The following OTOGL variants were observed in gnomAD, a reference collection of about 807,000 sequenced individuals.
OTOGL encodes otogelin like.
Under a neutral mutation model 318.5 loss-of-function variants are expected in OTOGL, and 285 were observed. The ratio of observed to expected loss-of-function variants is 0.89; its 90% CI spans 0.81 to 0.99. The LOEUF is 0.99. Among genes scored for constraint, OTOGL ranks in the 50% least tolerant of loss-of-function variants. The pLI is 0.00. For missense variants in OTOGL, 2,899 were observed against 2,845.6 expected, an observed-to-expected ratio of 1.02 and a Z score of -0.43; for synonymous variants, 987 against 936.5, an observed-to-expected ratio of 1.05 and a Z score of -0.99.
intron 29 of OTOGL, among the ~76,000 whole-genome samples, chr12:80,307,627 CT>C (rs1886255467): frequency 6.9e-6 from 1 of 144,742 alleles, no homozygotes. Context: ...ACCCCCCCAC[CT>C]CCCTCCTGGA....
intron 4 of OTOGL, among the ~76,000 whole-genome samples, chr12:80,213,817 A>G (rs1370321328): frequency 6.6e-6 from 1 of 152,172 alleles, no homozygotes; most frequent in African/African-American, 2.4e-5. Context: ...TGAGGTCATA[A>G]TCTTGCACTG....
At chr12:80,188,977 A>G (rs1875492649) in intron 1 of OTOGL, among the ~76,000 whole-genome samples, 1 of 152,122 alleles carries the variant, frequency 6.6e-6, no homozygotes, top group South Asian at 2.1e-4. Flanking sequence ...CCTTTGGTTT[A>G]GATCTTCATT....
intron 1 of OTOGL, among the ~76,000 whole-genome samples, chr12:80,144,101 A>T (rs2137148079): frequency 6.7e-6 from 1 of 149,514 alleles, no homozygotes; most frequent in East Asian, 2.0e-4. Flanking sequence ...ACTTGTGCAC[A>T]TTGTGCAGGT....
intron 42 of OTOGL, among the ~76,000 whole-genome samples, chr12:80,338,494 A>C (rs192316866): frequency 2.6e-5 from 4 of 152,180 alleles, no homozygotes; most frequent in East Asian, 1.9e-4. Context: ...CCGTTTTTCA[A>C]AGTACAATCC....
intron 8 of OTOGL, among the ~76,000 whole-genome samples, chr12:80,229,691 C>CTTGA (rs1879197711): frequency 6.6e-6 from 1 of 151,592 alleles, no homozygotes. Flanking sequence ...TTAAGAGTAT[C>CTTGA]TTAAGAGTTC....
chr12:80,292,681 A>C (rs1029761696), intron 26 of OTOGL, among the ~76,000 whole-genome samples: 10 of 152,244 alleles, frequency 6.6e-5, no homozygotes, highest in Admixed American at 5.9e-4. Context: ...GACACAATAG[A>C]CAAGGAAATT....
chr12:80,339,627 C>T (rs1245846050), intron 43 of OTOGL, among the ~76,000 whole-genome samples: 3 of 151,824 alleles, frequency 2.0e-5, no homozygotes, highest in African/African-American at 7.3e-5. Flanking sequence ...ATAGTGTTAT[C>T]TCAATTTATA....
chr12:80,194,846 A>G (rs563760539), intron 1 of OTOGL, among the ~76,000 whole-genome samples: 1 of 152,316 alleles, frequency 6.6e-6, no homozygotes, highest in South Asian at 2.1e-4. Flanking sequence ...CAAACTGGAA[A>G]CATTGTACAA....
intron 11 of OTOGL, among the ~76,000 whole-genome samples, chr12:80,243,243 A>T (rs1488964797): frequency 6.6e-6 from 1 of 152,092 alleles, no homozygotes; most frequent in Non-Finnish European, 1.5e-5. Context: ...CTCATCAGAA[A>T]CCATGGAGAC....
intron 9 of OTOGL, among the ~76,000 whole-genome samples, chr12:80,237,975 T>G (rs1420142451): frequency 1.3e-5 from 2 of 152,190 alleles, no homozygotes; most frequent in East Asian, 3.9e-4. Flanking sequence ...TCATCTTGTT[T>G]GATTTTGCCA....
At chr12:80,352,583 A>T (rs1889621323) in intron 45 of OTOGL, 147 bp downstream of exon 45, 3 of 682,530 alleles carry the variant, frequency 4.4e-6, no homozygotes, top group Non-Finnish European at 6.8e-6. Flanking sequence ...AAGTTACATC[A>T]CTTGATTTCA....
At chr12:80,268,082 C>T (rs1009054012) in intron 22 of OTOGL, among the ~76,000 whole-genome samples, 2 of 152,048 alleles carry the variant, frequency 1.3e-5, no homozygotes, top group African/African-American at 2.4e-5. Flanking sequence ...CATAGGATAA[C>T]ACTCATTCTG....
chr12:80,249,424 G>T (rs979247776), intron 11 of OTOGL, among the ~76,000 whole-genome samples: 2 of 151,300 alleles, frequency 1.3e-5, no homozygotes, highest in Admixed American at 6.6e-5. Flanking sequence ...ATACCCTGCC[G>T]TGTGAGGTGT....
intron 55 of OTOGL, among the ~76,000 whole-genome samples, chr12:80,368,974 C>A (rs10862096): frequency 0.71 from 107,858 of 151,154 alleles, 40,394 homozygotes; most frequent in Non-Finnish European, 0.84. Flanking sequence ...ATATAAAGTA[C>A]AAAAATACAC....
chr12:80,281,360 G>T (rs73358960), intron 26 of OTOGL, among the ~76,000 whole-genome samples: 25 of 151,620 alleles, frequency 1.6e-4, no homozygotes, highest in Middle Eastern at 3.4e-3. Flanking sequence ...ATATTTTGAG[G>T]TATGTTCCTC....
chr12:80,353,600 T>G, intron 46 of OTOGL, 90 bp downstream of exon 46: 1 of 1,052,258 alleles, frequency 9.5e-7, no homozygotes, highest in Non-Finnish European at 1.3e-6. Flanking sequence ...CTAACAAAGG[T>G]TTATCAAAGA....
At chr12:80,356,762 T>C (rs1379613943) in intron 48 of OTOGL, 45 bp from the exon 49 acceptor site, 4 of 1,227,978 alleles carry the variant, frequency 3.3e-6, no homozygotes, top group Non-Finnish European at 4.6e-6. Flanking sequence ...ATGTCATTTT[T>C]TTATTATGCT....
At chr12:80,304,520 A>G (rs1260768059) in intron 28 of OTOGL, among the ~76,000 whole-genome samples, 1 of 152,234 alleles carries the variant, frequency 6.6e-6, no homozygotes, top group Non-Finnish European at 1.5e-5. Flanking sequence ...CAGAAAAGAT[A>G]CATTTTTAAA....
At position 80,342,115 on chromosome 12, in the gene OTOGL, T is replaced by G. The variant is rs762209264; in HGVS notation, c.5218T>G (p.Cys1740Gly). Residue 1740 changes from cysteine to glycine, a missense_variant, in exon 44 of 59, where the codon TGC becomes GGC. Cys to Gly is a radical substitution (Grantham distance 159, BLOSUM62 -3). This residue lies in a region of OTOGL where 2,607 missense variants were observed against 2,524.9 expected (regional missense o/e 1.03). Coordinates refer to ENST00000547103, the MANE Select transcript of OTOGL (RefSeq NM_001378609.3). ...RNCTEHDCSQ[C>G]IDLLNRRIFI... ...TTGTACTGAGCATGATTGCAGCCAG[T>G]GCATTGATTTATTAAATAGAAGAAT... The G allele has an allele frequency of 2.5e-6, 4 of 1,600,258 alleles. No individual in the cohort carries two copies. The highest frequency in any genetic ancestry group is 3.4e-6 in the Non-Finnish European group (4 of 1,172,486).
Sources: allele counts gnomAD v4.1 joint callset (sites outside exome capture counted in the v4.1 genomes callset), GRCh38; gene constraint gnomAD v4.1.1; regional missense constraint gnomAD v4.1.1; transcripts MANE v1.5; gene names NCBI Gene and HGNC (gene_info 2026-07-23, HGNC 2026-07-21).